LTBP1: variants seen among roughly 807,000 people sequenced by gnomAD.
LTBP1 encodes the protein latent-transforming growth factor beta-binding protein 1.
LTBP1 carries 129 observed loss-of-function variants against 207.6 expected under a neutral mutation model. The observed-to-expected ratio is 0.62, with a 90% CI of 0.54 to 0.72. The LOEUF (loss-of-function observed/expected upper bound fraction) is 0.72. Among genes scored for constraint, LTBP1 ranks in the 30% least tolerant of loss-of-function variants. The probability of loss-of-function intolerance (pLI) is 0.00; values close to 1 mark genes in which losing one functional copy is unlikely to be tolerated. For missense variants in LTBP1, 2,281 were observed against 2,217.2 expected, an observed-to-expected ratio of 1.03 and a Z score of -0.58; for synonymous variants, 963 against 833.7, an observed-to-expected ratio of 1.16 and a Z score of -2.67.
intron 29 of LTBP1, among the ~76,000 whole-genome samples, chr2:33,363,902 C>T (rs935075733): frequency 1.1e-4 from 16 of 152,152 alleles, no homozygotes; most frequent in Admixed American, 6.5e-5. Context: ...GGCAGAAAAA[C>T]ATAGCAAAAG....
At chr2:33,300,245 C>G (rs982051461) in intron 20 of LTBP1, among the ~76,000 whole-genome samples, 4 of 152,060 alleles carry the variant, frequency 2.6e-5, no homozygotes, top group African/African-American at 9.7e-5. Context: ...GATTTATTGT[C>G]TATTTTTAGT....
chr2:33,222,613 T>G (rs1052590234), intron 9 of LTBP1, among the ~76,000 whole-genome samples: 14 of 152,224 alleles, frequency 9.2e-5, no homozygotes, highest in African/African-American at 3.1e-4. Flanking sequence ...ACATTTTGCC[T>G]AGGCAATAAG....
chr2:33,344,008 T>C (rs973013852), intron 25 of LTBP1, among the ~76,000 whole-genome samples: 8 of 152,230 alleles, frequency 5.3e-5, no homozygotes, highest in Non-Finnish European at 8.8e-5. Flanking sequence ...GAGGAGTCTA[T>C]TGCCTATTTG....
In LTBP1 at chr2:33,293,219, G is replaced by A; in HGVS notation, c.3172G>A (p.Gly1058Ser). The A allele has an allele frequency of 1.2e-6, 2 of 1,614,090 alleles. No homozygotes were observed. Among genetic ancestry groups the A allele is most frequent in the Non-Finnish European group, 1.7e-6 (2 of 1,179,998 alleles). Residue 1058 changes from glycine to serine, a missense_variant, in exon 20 of 34, where the codon GGC (glycine) becomes AGC (serine). Coordinates refer to ENST00000404816, the MANE Select transcript of LTBP1 (RefSeq NM_206943.4). The part of the protein sequence containing the change: ...CANGDCSNLE[G>S]SYMCSCHKGY... ...AAATGGTGATTGTTCCAACCTTGAA[G>A]GCTCCTACATGTGTTCATGCCACAA...
intron 5 of LTBP1, among the ~76,000 whole-genome samples, chr2:33,140,670 T>TTA (rs763128189): frequency 1.1e-3 from 30 of 26,266 alleles, no homozygotes; most frequent in Non-Finnish European, 1.8e-3. Context: ...AATTAATTAA[T>TTA]TTTTTTTTTT....
chr2:33,135,110 A>G, intron 5 of LTBP1, 150 bp downstream of exon 5: 1 of 847,558 alleles, frequency 1.2e-6, no homozygotes. Flanking sequence ...GATCTTTTAA[A>G]TTGCTTTTGG....
intron 4 of LTBP1, among the ~76,000 whole-genome samples, chr2:33,125,779 G>A (rs184638396): frequency 1.2e-4 from 18 of 151,008 alleles, no homozygotes; most frequent in African/African-American, 2.9e-4. Context: ...GCAGTGAGCC[G>A]AGATGGTGCT....
intron 5 of LTBP1, among the ~76,000 whole-genome samples, chr2:33,167,442 A>C (rs1337493281): frequency 1.3e-5 from 2 of 152,020 alleles, no homozygotes; most frequent in Non-Finnish European, 2.9e-5. Flanking sequence ...TGAGCAACTG[A>C]AAAAGATGAG....
chr2:33,091,056 A>T (rs218180), intron 3 of LTBP1, among the ~76,000 whole-genome samples: 137,349 of 152,224 alleles, frequency 0.9, 63,325 homozygotes, highest in East Asian at 1. Context: ...CCATCTAGGA[A>T]TGCTATGCCT....
chr2:33,302,950 T>TACACACACACACAC (rs70938396), intron 22 of LTBP1, among the ~76,000 whole-genome samples: 3 of 144,786 alleles, frequency 2.1e-5, no homozygotes, highest in African/African-American at 7.6e-5. Context: ...CTAATATTTT[T>TACACACACACACAC]ACACACACAC....
At position 33,399,375 on chromosome 2, in the gene LTBP1, A is replaced by G. The variant is rs540932099; in HGVS notation, c.*830A>G. The G allele has an allele frequency of 4.6e-5, 7 of 152,338 alleles. No homozygotes were observed. Among genetic ancestry groups the G allele is most frequent in the African/African-American group, 1.7e-4 (7 of 41,576 alleles). 9.4% of individuals were successfully genotyped at this position (152,338 alleles called of 1,614,324 possible). On this transcript the variant is annotated 3_prime_UTR_variant, in exon 34 of 34. Coordinates refer to ENST00000404816, the MANE Select transcript of LTBP1 (RefSeq NM_206943.4). ...TTTTGTAGAAAAAATTCTACCTGAG[A>G]GTAATTGTCAATGAGTACATGTGTA...
intron 2 of LTBP1, among the ~76,000 whole-genome samples, chr2:32,979,844 T>C (rs1682485883): frequency 1.3e-5 from 2 of 152,192 alleles, no homozygotes; most frequent in South Asian, 2.1e-4. Flanking sequence ...AATATTTGCT[T>C]TATATATCTG....
chr2:33,386,369 A>G (rs1038558861), intron 31 of LTBP1, among the ~76,000 whole-genome samples: 5 of 152,080 alleles, frequency 3.3e-5, no homozygotes, highest in Non-Finnish European at 7.4e-5. Flanking sequence ...TCTTTGGTGG[A>G]GGAAGCATGT....
rs1205639385 is a variant in LTBP1 at position 33,363,667 on chromosome 2, A to T, written c.4399+149A>T. 7 of 851,098 alleles carry T rather than the reference A, an allele frequency of 8.2e-6. No homozygotes were observed. In the African/African-American group the frequency reaches 1.2e-4, roughly 15 times the overall value. 52.7% of individuals were successfully genotyped at this position (851,098 alleles called of 1,614,324 possible). A position where few individuals can be genotyped will look rare whatever the true frequency, so the allele number is the denominator to read the frequency against. ...TTTTAGGGATCTTTTTCTTAAGCAC[A>T]ATTGAAGAAAATAAAAAGAAAAAAC... On this transcript the variant is annotated intron_variant, in intron 29 of 33. Transcript: ENST00000404816.
chr2:33,257,621 G>A, intron 12 of LTBP1, 110 bp downstream of exon 12: 3 of 848,074 alleles, frequency 3.5e-6, no homozygotes, highest in Non-Finnish European at 5.5e-6. Flanking sequence ...AGCACTATTG[G>A]CATTTTAGAG....
chr2:33,083,359 A>AT (rs2078554604), intron 3 of LTBP1, among the ~76,000 whole-genome samples: 1 of 152,142 alleles, frequency 6.6e-6, no homozygotes, highest in Non-Finnish European at 1.5e-5. Flanking sequence ...TTCTCAAAAA[A>AT]TGTGTCCTCC....
In LTBP1 at chr2:33,398,486, AACT is replaced by A. The variant is rs1326381114; in HGVS notation, c.5111_5113del (p.Tyr1704del). ...AGGCTACGTGCCTTCTGACAAGCCA[AACT>A]ACTGCACTCCGTTGAATACCGCCTT... On this transcript the variant is annotated inframe_deletion, in exon 34 of 34. Transcript: ENST00000404816. 3 of 1,614,258 alleles carry A rather than the reference AACT, an allele frequency of 1.9e-6. No homozygotes were observed. In the South Asian group the frequency reaches 3.3e-5, roughly 18 times the overall value.
chr2:33,057,949 C>T (rs555853041), intron 3 of LTBP1, among the ~76,000 whole-genome samples: 17 of 152,370 alleles, frequency 1.1e-4, no homozygotes, highest in Non-Finnish European at 2.2e-4. Flanking sequence ...ACGCCAAGAG[C>T]GAGCGAGGGC....
At chr2:33,235,299 A>C (rs573577578) in intron 9 of LTBP1, among the ~76,000 whole-genome samples, 6 of 152,242 alleles carry the variant, frequency 3.9e-5, no homozygotes, top group Non-Finnish European at 8.8e-5. Context: ...ACATGAAAAA[A>C]AGCTCATCAT....
Sources: allele counts gnomAD v4.1 joint callset (sites outside exome capture counted in the v4.1 genomes callset), GRCh38; gene constraint gnomAD v4.1.1; transcripts MANE v1.5; gene names NCBI Gene and HGNC (gene_info 2026-07-23, HGNC 2026-07-21).